Variants in IYD observed in about 807,000 individuals in gnomAD.
IYD encodes the protein iodotyrosine deiodinase 1.
Under a neutral mutation model 28.4 loss-of-function variants are expected in IYD, and 25 were observed. The ratio of observed to expected loss-of-function variants is 0.88; its 90% CI spans 0.64 to 1.23. The LOEUF is 1.23. Among genes scored for constraint, IYD ranks in the 50% most tolerant of loss-of-function variants. The pLI is 0.00. For missense variants in IYD, 352 were observed against 357.9 expected, an observed-to-expected ratio of 0.98 and a Z score of 0.13; for synonymous variants, 140 against 130.8, an observed-to-expected ratio of 1.07 and a Z score of -0.48.
chr6:150,398,355 C>G lies in IYD; in HGVS notation c.*118C>G. 1 of 959,866 alleles carries G rather than the reference C, an allele frequency of 1.0e-6. No homozygotes were observed. The highest frequency in any genetic ancestry group is 2.5e-5 in the East Asian group (1 of 39,494). 59.5% of individuals were successfully genotyped at this position (959,866 alleles called of 1,614,324 possible). On this transcript the variant is annotated 3_prime_UTR_variant, in exon 5 of 5. Transcript: ENST00000344419. Reference sequence around the variant, plus strand: ...CTCCAGGTGTCAGGTCCCCTCATTGCTCTTCTCAGGTGGCCACACTATGTC... The same window carrying G: ...CTCCAGGTGTCAGGTCCCCTCATTGGTCTTCTCAGGTGGCCACACTATGTC...
chr6:150,373,597 T>G (rs1777347922), intron 1 of IYD, among the ~76,000 whole-genome samples: 1 of 152,042 alleles, frequency 6.6e-6, no homozygotes, highest in African/African-American at 2.4e-5. Flanking sequence ...TATTTAGGAG[T>G]TTTTTGTTAA....
At chr6:150,382,064 G>C (rs1426169473) in intron 1 of IYD, among the ~76,000 whole-genome samples, 1 of 152,166 alleles carries the variant, frequency 6.6e-6, no homozygotes, top group Admixed American at 6.5e-5. Flanking sequence ...AGGGCTTGCT[G>C]TCTCTATTGC....
At chr6:150,371,344 TA>T (rs1777233911) in intron 1 of IYD, among the ~76,000 whole-genome samples, 2 of 152,148 alleles carry the variant, frequency 1.3e-5, no homozygotes, top group Non-Finnish European at 2.9e-5. Context: ...ATTGCAGAGA[TA>T]GGACCCAAGC....
intron 2 of IYD, 90 bp downstream of exon 2, chr6:150,389,633 C>G (rs553971232): frequency 2.2e-4 from 249 of 1,132,456 alleles, no homozygotes; most frequent in Middle Eastern, 3.9e-4. Context: ...TTAAACATAG[C>G]GAATAAAGCC....
intron 1 of IYD, among the ~76,000 whole-genome samples, chr6:150,386,623 A>G (rs544291164): frequency 1.3e-5 from 2 of 152,266 alleles, no homozygotes; most frequent in East Asian, 3.9e-4. Flanking sequence ...AAAGAGATGC[A>G]TTAAGATCTT....
At chr6:150,369,958 T>G in intron 1 of IYD, 1 of 701,370 alleles carries the variant, frequency 1.4e-6, no homozygotes, top group Non-Finnish European at 2.6e-6. Context: ...AAGTAGAGAA[T>G]TGAGGGCGGG....
intron 1 of IYD, among the ~76,000 whole-genome samples, chr6:150,375,971 G>A (rs983550919): frequency 1.3e-5 from 2 of 152,180 alleles, no homozygotes; most frequent in African/African-American, 4.8e-5. Flanking sequence ...CTAAAGCAAT[G>A]TATTTGGAGA....
intron 4 of IYD, among the ~76,000 whole-genome samples, 193 bp from the exon 5 acceptor site, chr6:150,397,862 A>C (rs1323936839): frequency 3.0e-5 from 1 of 33,374 alleles, no homozygotes; most frequent in East Asian, 7.5e-4. Context: ...AAAAGAAGGG[A>C]GGGGGTGGGG....
intron 4 of IYD, chr6:150,396,499 C>A: frequency 1.4e-6 from 1 of 698,956 alleles, no homozygotes; most frequent in South Asian, 1.5e-5. Context: ...ATACAAAATT[C>A]AGTATGGAGT....
chr6:150,396,438 A>G, intron 4 of IYD: 1 of 680,662 alleles, frequency 1.5e-6, no homozygotes, highest in South Asian at 1.6e-5. Flanking sequence ...TATTAATAAG[A>G]GGAATTGTTT....
chr6:150,379,334 C>A (rs1221791523), intron 1 of IYD, among the ~76,000 whole-genome samples: 1 of 152,222 alleles, frequency 6.6e-6, no homozygotes, highest in Non-Finnish European at 1.5e-5. Context: ...CATCGTCCCC[C>A]AGTCAAGCTA....
intron 1 of IYD, among the ~76,000 whole-genome samples, chr6:150,372,109 A>C (rs1434551084): frequency 6.6e-6 from 1 of 152,208 alleles, no homozygotes; most frequent in Non-Finnish European, 1.5e-5. Flanking sequence ...TTTAATATTA[A>C]CAAGGTATTA....
Position 150,402,004 on chromosome 6 carries a change from TG to T in IYD, c.*3770del, listed in dbSNP as rs1778524522. 1 of 152,268 alleles carries T rather than the reference TG, an allele frequency of 6.6e-6. No homozygotes were observed. The highest frequency in any genetic ancestry group is 1.9e-4 in the East Asian group (1 of 5,194). The allele number at this position is 152,268 out of a possible 1,614,324, so 9.4% of individuals were successfully genotyped here. ...GTGTGATTGTGTGATTCAGTATTGC[TG>T]GGTGGTGCCCAAATGCTCCAGTTCT... On this transcript the variant is annotated 3_prime_UTR_variant, in exon 5 of 5. Transcript: ENST00000344419.
intron 4 of IYD, 65 bp from the exon 5 acceptor site, chr6:150,397,990 G>A: frequency 2.0e-6 from 3 of 1,489,190 alleles, no homozygotes; most frequent in Non-Finnish European, 2.8e-6. Context: ...AAGGTCCCCA[G>A]GTTAGAGGGA....
At chr6:150,372,176 C>A (rs57538858) in intron 1 of IYD, among the ~76,000 whole-genome samples, 20,421 of 152,160 alleles carry the variant, frequency 0.13, 2,561 homozygotes, top group African/African-American at 0.31. Context: ...AATATGGGTA[C>A]CCATCCAACC....
chr6:150,388,684 TTCTTTCC>T, intron 1 of IYD, among the ~76,000 whole-genome samples: 1 of 134,488 alleles, frequency 7.4e-6, no homozygotes, highest in Admixed American at 7.8e-5. Flanking sequence ...TCTTTCTTTC[TTCTTTCC>T]TTCCTTCCTT....
At chr6:150,395,645 G>C (rs933621889) in intron 4 of IYD, 2 of 1,154,250 alleles carry the variant, frequency 1.7e-6, no homozygotes, top group African/African-American at 1.5e-5. Flanking sequence ...ATAATCCCGA[G>C]AGTAGGTTAT....
At chr6:150,396,530 G>C (rs907995718) in intron 4 of IYD, 2 of 677,862 alleles carry the variant, frequency 3.0e-6, no homozygotes, top group Non-Finnish European at 5.3e-6. Context: ...TCTTGAAAAG[G>C]ACCAAGATAT....
chr6:150,395,507 T>C, intron 4 of IYD: 6 of 1,537,308 alleles, frequency 3.9e-6, no homozygotes, highest in African/African-American at 1.4e-5. Flanking sequence ...CGCCACCTGA[T>C]TGAGGGTCCT....
Sources: gnomAD v4.1 joint callset for allele counts (sites outside exome capture counted in the v4.1 genomes callset) on GRCh38, gnomAD v4.1.1 for gene constraint, MANE v1.5 for transcripts, NCBI Gene and HGNC (gene_info 2026-07-23, HGNC 2026-07-21) for gene names.